Variants in PSD3 observed in about 807,000 individuals in gnomAD.
PSD3 encodes PH and SEC7 domain-containing protein 3.
Under a neutral mutation model 105.5 loss-of-function variants are expected in PSD3, and 49 were observed. That is an observed-to-expected ratio of 0.46 (90% confidence interval 0.37 to 0.59). The LOEUF is 0.59. Ranked by LOEUF, PSD3 falls within the 20% of genes least tolerant of loss-of-function variation. The probability of loss-of-function intolerance (pLI) is 0.00; values close to 1 mark genes in which losing one functional copy is unlikely to be tolerated. For missense variants in PSD3, 1,561 were observed against 1,263.8 expected (o/e 1.24, Z -3.57); for synonymous variants, 557 against 457.8 (o/e 1.22, Z -2.77).
chr8:18,582,368 T>A (rs1802876030), intron 12 of PSD3, among the ~76,000 whole-genome samples: 1 of 152,214 alleles, frequency 6.6e-6, no homozygotes, highest in Middle Eastern at 3.4e-3. Flanking sequence ...ATTTCAAACA[T>A]CTCTTAACAT....
intron 1 of PSD3, among the ~76,000 whole-genome samples, chr8:18,981,339 A>G (rs749389562): frequency 2.6e-5 from 4 of 152,226 alleles, no homozygotes; most frequent in Non-Finnish European, 5.9e-5. Flanking sequence ...TGAAGCAGAA[A>G]GACTACTATG....
At chr8:18,943,247 A>G (rs547701473) in intron 1 of PSD3, among the ~76,000 whole-genome samples, 1 of 152,334 alleles carries the variant, frequency 6.6e-6, no homozygotes, top group South Asian at 2.1e-4. Flanking sequence ...TTCAAGTTCT[A>G]TAACAGGTTT....
chr8:19,051,988 AG>A (rs747364359), intron 1 of PSD3, among the ~76,000 whole-genome samples: 7 of 152,230 alleles, frequency 4.6e-5, no homozygotes, highest in Non-Finnish European at 7.3e-5. Flanking sequence ...AAATAAAATT[AG>A]ATCAAAGTGA....
At chr8:18,772,787 G>A (rs980172262) in intron 8 of PSD3, among the ~76,000 whole-genome samples, 1 of 152,176 alleles carries the variant, frequency 6.6e-6, no homozygotes, top group African/African-American at 2.4e-5. Context: ...TGGGATTACA[G>A]GCATGAGCCA....
At chr8:19,066,707 A>G (rs1025985084) in intron 1 of PSD3, among the ~76,000 whole-genome samples, 1 of 152,250 alleles carries the variant, frequency 6.6e-6, no homozygotes, top group African/African-American at 2.4e-5. Flanking sequence ...TCTATAAACT[A>G]GAAACAATAA....
At chr8:18,659,632 C>T (rs1809182002) in intron 9 of PSD3, among the ~76,000 whole-genome samples, 2 of 152,194 alleles carry the variant, frequency 1.3e-5, no homozygotes, top group Admixed American at 6.5e-5. Context: ...AAGACTTGTG[C>T]CTCTCTTAGA....
chr8:19,048,195 G>A (rs764836727), intron 1 of PSD3, among the ~76,000 whole-genome samples: 2 of 152,188 alleles, frequency 1.3e-5, no homozygotes, highest in Non-Finnish European at 2.9e-5. Context: ...CTGAATGCCA[G>A]GGAGCCTGGT....
chr8:18,761,383 C>T (rs987397080), intron 9 of PSD3, among the ~76,000 whole-genome samples: 1 of 152,104 alleles, frequency 6.6e-6, no homozygotes, highest in African/African-American at 2.4e-5. Flanking sequence ...GTCCTTCCAG[C>T]CCACTTTAGG....
At chr8:19,081,297 A>T (rs1036026954) in intron 1 of PSD3, among the ~76,000 whole-genome samples, 1 of 152,196 alleles carries the variant, frequency 6.6e-6, no homozygotes, top group Non-Finnish European at 1.5e-5. Flanking sequence ...TAAAGTCTTG[A>T]GTGTCTTTCT....
intron 4 of PSD3, among the ~76,000 whole-genome samples, chr8:18,846,101 AAG>A (rs1044782650): frequency 6.6e-6 from 1 of 152,224 alleles, no homozygotes; most frequent in Non-Finnish European, 1.5e-5. Flanking sequence ...AAGCAAAAGA[AAG>A]AGAGATAGAA....
chr8:18,592,024 G>C (rs968904791), intron 12 of PSD3, among the ~76,000 whole-genome samples: 1 of 152,060 alleles, frequency 6.6e-6, no homozygotes, highest in Non-Finnish European at 1.5e-5. Flanking sequence ...AGCTACAAGA[G>C]ACAGAACAAA....
rs1381624971 is a variant in PSD3 at position 18,534,500 on chromosome 8, A to G, written c.*1243T>C. 6.6e-6 allele frequency: 1 copy of G among 152,522 alleles called. No homozygotes were observed. The highest frequency in any genetic ancestry group is 1.9e-4 in the East Asian group (1 of 5,180). The allele number at this position is 152,522 out of a possible 1,614,324, so 9.4% of individuals were successfully genotyped here. ...GAAAGAAAGGACTGAAAATAGATGAAGTATTTTTAGGAGAAAGTTGAGTAG... is the reference window on the plus strand; with the variant it reads ...GAAAGAAAGGACTGAAAATAGATGAGGTATTTTTAGGAGAAAGTTGAGTAG... On this transcript the variant is annotated 3_prime_UTR_variant, in exon 16 of 16. Coordinates refer to ENST00000327040, the MANE Select transcript of PSD3 (RefSeq NM_015310.4).
At chr8:18,630,849 T>A (rs746445515) in intron 11 of PSD3, among the ~76,000 whole-genome samples, 10 of 151,738 alleles carry the variant, frequency 6.6e-5, no homozygotes, top group Non-Finnish European at 1.0e-4. Context: ...ACATAACAAC[T>A]ATTTACACAG....
chr8:18,981,289 T>A lies in PSD3; in HGVS notation c.21+32274A>T, dbSNP rs1389583003. ...GGAAAGACGCAAGAAAAGTCACAGG[T>A]CACCCCCCAACACACATACAAAAAA... On this transcript the variant is annotated intron_variant, in intron 1 of 15. Coordinates refer to ENST00000327040, the MANE Select transcript of PSD3 (RefSeq NM_015310.4). Among the ~76,000 whole-genome samples the A allele has an allele frequency of 2.0e-5, 3 of 152,140 alleles. No individual in the cohort carries two copies. The East Asian group carries it at 5.8e-4, about 29-fold the overall frequency.
chr8:18,668,685 T>C (rs1799616845), intron 9 of PSD3, among the ~76,000 whole-genome samples: 1 of 152,256 alleles, frequency 6.6e-6, no homozygotes, highest in African/African-American at 2.4e-5. Context: ...TATATTATTA[T>C]GTGTACTGTT....
At chr8:19,014,296 C>T (rs988484577), upstream of PSD3, 18 of 152,202 alleles carry the variant, frequency 1.2e-4, no homozygotes, top group Non-Finnish European at 7.3e-5. The surrounding 1 kb of genome is among the most constrained non-coding windows in gnomAD (Gnocchi z 4.9). Context: ...CGTTTAGTCC[C>T]GGGGACCCGT....
intron 2 of PSD3, among the ~76,000 whole-genome samples, chr8:18,934,707 A>G (rs561655799): frequency 1.3e-5 from 2 of 152,308 alleles, no homozygotes; most frequent in South Asian, 2.1e-4. Context: ...TGAGCCGCAA[A>G]TAAGTTGGAT....
At chr8:18,882,887 C>G (rs907149960) in intron 2 of PSD3, among the ~76,000 whole-genome samples, 1 of 151,304 alleles carries the variant, frequency 6.6e-6, no homozygotes, top group Non-Finnish European at 1.5e-5. Context: ...ACACAGATAT[C>G]CATATATCTG....
chr8:18,727,487 G>A (rs1335321512), intron 9 of PSD3, among the ~76,000 whole-genome samples: 3 of 150,658 alleles, frequency 2.0e-5, no homozygotes, highest in Non-Finnish European at 4.4e-5. Context: ...TGCAGCCTGG[G>A]TAACAGAGCA....
Sources: gnomAD v4.1 joint callset for allele counts (sites outside exome capture counted in the v4.1 genomes callset) on GRCh38, gnomAD v4.1.1 for gene constraint, Gnocchi (gnomAD v3.1) non-coding constraint, MANE v1.5 for transcripts, NCBI Gene and HGNC (gene_info 2026-07-23, HGNC 2026-07-21) for gene names.